TLN2: variants seen among roughly 807,000 people sequenced by gnomAD.
The protein encoded by TLN2 is talin-2.
A neutral mutation model predicts 294.7 loss-of-function variants in TLN2; 118 were observed. The observed-to-expected ratio is 0.40, with a 90% confidence interval of 0.34 to 0.47. The LOEUF (loss-of-function observed/expected upper bound fraction) is 0.47, where lower values mean the gene tolerates loss of function less well. Among genes scored for constraint, TLN2 ranks in the 20% least tolerant of loss-of-function variants. TLN2 has a pLI of 0.84. For synonymous variants in TLN2, 1,431 were observed against 1,304.5 expected, an observed-to-expected ratio of 1.10 and a Z score of -2.09; for missense variants, 3,083 against 3,282.2, an observed-to-expected ratio of 0.94 and a Z score of 1.48.
intron 4 of TLN2, among the ~76,000 whole-genome samples, chr15:62,647,749 C>T (rs1417798618): frequency 2.0e-5 from 3 of 152,178 alleles, no homozygotes; most frequent in Non-Finnish European, 2.9e-5. Flanking sequence ...CAAGAAAGTG[C>T]AAATGAAGCT....
At chr15:62,599,089 A>C (rs1456232715) in intron 2 of TLN2, among the ~76,000 whole-genome samples, 1 of 152,192 alleles carries the variant, frequency 6.6e-6, no homozygotes, top group Admixed American at 6.5e-5. Context: ...GGTGGCGTTA[A>C]CATGTGCTGT....
intron 42 of TLN2, among the ~76,000 whole-genome samples, chr15:62,772,075 A>C (rs1247048171): frequency 4.0e-5 from 6 of 151,834 alleles, no homozygotes. Context: ...CCACAAGCAC[A>C]TGCCACCATA....
chr15:62,567,668 C>G (rs559730680), intron 1 of TLN2, among the ~76,000 whole-genome samples: 42 of 152,266 alleles, frequency 2.8e-4, no homozygotes, highest in African/African-American at 1.0e-3. Context: ...AACCCCGTGT[C>G]TACTAAAACT....
chr15:62,436,066 C>A (rs377470777), intron 1 of TLN2, among the ~76,000 whole-genome samples: 2 of 152,190 alleles, frequency 1.3e-5, no homozygotes, highest in African/African-American at 4.8e-5. Flanking sequence ...TTCAAACTTA[C>A]GTCACAAACA....
At chr15:62,609,239 T>C (rs954065353) in intron 2 of TLN2, among the ~76,000 whole-genome samples, 1 of 152,206 alleles carries the variant, frequency 6.6e-6, no homozygotes, top group Non-Finnish European at 1.5e-5. Context: ...TCTGAACCAT[T>C]TGATTGTAAG....
intron 3 of TLN2, chr15:62,637,389 T>G (rs1470681851): frequency 1.3e-5 from 2 of 152,218 alleles, no homozygotes; most frequent in African/African-American, 4.8e-5. Context: ...AAAGGTAGAC[T>G]CCAAGAGGAC....
At chr15:62,552,025 G>C (rs1429211799) in intron 1 of TLN2, among the ~76,000 whole-genome samples, 1 of 152,184 alleles carries the variant, frequency 6.6e-6, no homozygotes, top group African/African-American at 2.4e-5. Context: ...AGTTAATCTT[G>C]ACATTGTTCG....
chr15:62,779,609 C>T (rs1385165885), intron 43 of TLN2, among the ~76,000 whole-genome samples: 1 of 152,260 alleles, frequency 6.6e-6, no homozygotes, highest in African/African-American at 2.4e-5. Context: ...AGCTGCCCTT[C>T]AGCTCCAGCA....
chr15:62,503,748 T>C (rs1184237940), intron 1 of TLN2, among the ~76,000 whole-genome samples: 3 of 152,210 alleles, frequency 2.0e-5, no homozygotes, highest in African/African-American at 7.2e-5. Flanking sequence ...TCATCATCTT[T>C]ATTGGTTTCT....
chr15:62,750,470 G>C lies in TLN2; in HGVS notation c.4188G>C (p.Glu1396Asp), dbSNP rs1263033624. 3.7e-6 allele frequency: 6 copies of C among 1,614,208 alleles called. No individual in the cohort carries two copies. Among genetic ancestry groups the C allele is most frequent in the Non-Finnish European group, 5.1e-6 (6 of 1,180,014 alleles). The change falls in exon 34 of 59, where the codon GAG becomes GAC. Residue 1396 changes from glutamate to aspartate, a missense_variant. By Grantham distance (45) the Glu-to-Asp change is conservative. Coordinates refer to ENST00000636159, the MANE Select transcript of TLN2 (RefSeq NM_015059.3). ...VSDLSYFDCI[E>D]SVMENSKVLG... ...ACCTCTCTTACTTTGACTGCATTGA[G>C]AGTGTGATGGAAAACTCCAAGGTAA...
At chr15:62,451,747 C>G (rs1033473820) in intron 1 of TLN2, among the ~76,000 whole-genome samples, 2 of 152,328 alleles carry the variant, frequency 1.3e-5, no homozygotes, top group Middle Eastern at 6.8e-3. Flanking sequence ...CTGCTGTCCT[C>G]AAGTAGCTTT....
intron 9 of TLN2, 99 bp from the exon 10 acceptor site, chr15:62,673,728 A>G (rs909989603): frequency 1.2e-6 from 1 of 859,156 alleles, no homozygotes; most frequent in Non-Finnish European, 1.9e-6. Context: ...ATATTGGGAG[A>G]CTTAGTGAGT....
chr15:62,532,031 T>C (rs2041067804), intron 1 of TLN2, among the ~76,000 whole-genome samples: 1 of 149,482 alleles, frequency 6.7e-6, no homozygotes. Flanking sequence ...TTATTTTTTT[T>C]ACTTTTTTCT....
intron 1 of TLN2, among the ~76,000 whole-genome samples, chr15:62,474,818 A>T (rs945245168): frequency 1.3e-5 from 2 of 152,188 alleles, no homozygotes; most frequent in African/African-American, 4.8e-5. Context: ...GGGCTGTCCC[A>T]GGTGGAATCC....
chr15:62,609,098 C>T (rs7178512), intron 2 of TLN2, among the ~76,000 whole-genome samples: 3,117 of 152,020 alleles, frequency 0.021, 120 homozygotes, highest in African/African-American at 0.072. Flanking sequence ...CAAAAATGAA[C>T]GTTCCCCCTG....
In TLN2 at chr15:62,835,888, C is replaced by T; in HGVS notation, c.7192-3C>T. On this transcript the variant is annotated splice_polypyrimidine_tract_variant and splice_region_variant and intron_variant, in intron 56 of 58. Coordinates refer to ENST00000636159, the MANE Select transcript of TLN2 (RefSeq NM_015059.3). ...GGGTCACTTCTCCGTTGACTGTCCC[C>T]AGGCCCGGATGGTGGCGGCTGCGAC... 1.9e-6 allele frequency: 3 copies of T among 1,614,196 alleles called. No individual in the cohort carries two copies. Among genetic ancestry groups the T allele is most frequent in the Non-Finnish European group, 2.5e-6 (3 of 1,180,042 alleles).
intron 1 of TLN2, among the ~76,000 whole-genome samples, chr15:62,531,378 A>C (rs569966562): frequency 6.6e-6 from 1 of 152,340 alleles, no homozygotes; most frequent in South Asian, 2.1e-4. Context: ...AGAAGCAGAA[A>C]GTAGAATGGT....
At chr15:62,762,514 A>G in intron 39 of TLN2, 61 bp downstream of exon 39, 2 of 1,568,612 alleles carry the variant, frequency 1.3e-6, no homozygotes, top group Admixed American at 1.7e-5. Context: ...GAGGAGGATA[A>G]GCCCACCAGG....
At chr15:62,812,991 AG>A (rs2066810962) in intron 52 of TLN2, among the ~76,000 whole-genome samples, 1 of 152,240 alleles carries the variant, frequency 6.6e-6, no homozygotes, top group Admixed American at 6.5e-5. Context: ...AACAGGAAGA[AG>A]GGCACTTACT....
Sources: allele counts gnomAD v4.1 joint callset (sites outside exome capture counted in the v4.1 genomes callset), GRCh38; gene constraint gnomAD v4.1.1; transcripts MANE v1.5; gene names NCBI Gene and HGNC (gene_info 2026-07-23, HGNC 2026-07-21).